The following UXS1 variants were observed in gnomAD, a reference collection of about 807,000 sequenced individuals.
UXS1 encodes the protein UDP-glucuronic acid decarboxylase 1.
Under a neutral mutation model 62.6 loss-of-function variants are expected in UXS1, and 33 were observed. The observed-to-expected ratio is 0.53, with a 90% confidence interval of 0.40 to 0.70. The LOEUF is 0.70. Among genes scored for constraint, UXS1 ranks in the 30% least tolerant of loss-of-function variants. UXS1 has a pLI of 0.00. For missense variants in UXS1, 434 were observed against 556.3 expected, an observed-to-expected ratio of 0.78 and a Z score of 2.21; for synonymous variants, 213 against 206.8, an observed-to-expected ratio of 1.03 and a Z score of -0.26.
At chr2:106,118,496 G>A (rs540953391) in intron 9 of UXS1, among the ~76,000 whole-genome samples, 29 of 152,232 alleles carry the variant, frequency 1.9e-4, no homozygotes, top group Non-Finnish European at 3.4e-4. Flanking sequence ...CGCAGCCTAC[G>A]GGAGAGGCCC....
intron 1 of UXS1, among the ~76,000 whole-genome samples, chr2:106,174,769 C>A (rs1477073642): frequency 6.6e-6 from 1 of 152,126 alleles, no homozygotes; most frequent in Non-Finnish European, 1.5e-5. Context: ...GTTCTAATCA[C>A]AGCGTCATGG....
At chr2:106,153,777 T>G (rs569843658) in intron 5 of UXS1, among the ~76,000 whole-genome samples, 1 of 152,338 alleles carries the variant, frequency 6.6e-6, no homozygotes, top group Non-Finnish European at 1.5e-5. Context: ...CTGTAAATAT[T>G]AGGTTGGTGC....
chr2:106,142,161 C>T (rs7601480), intron 6 of UXS1, among the ~76,000 whole-genome samples: 69,909 of 151,932 alleles, frequency 0.46, 16,154 homozygotes, highest in East Asian at 0.56. Flanking sequence ...TGTGAGCCAC[C>T]ATGCCCAGCC....
intron 5 of UXS1, among the ~76,000 whole-genome samples, chr2:106,154,640 T>G (rs1011868789): frequency 1.3e-5 from 2 of 152,214 alleles, no homozygotes; most frequent in Non-Finnish European, 2.9e-5. Flanking sequence ...GATTTCAGAC[T>G]TCTAGCTTCT....
chr2:106,117,513 A>G (rs939117898), intron 9 of UXS1, among the ~76,000 whole-genome samples: 3 of 148,082 alleles, frequency 2.0e-5, no homozygotes, highest in Admixed American at 1.4e-4. Flanking sequence ...TTACTGTGCT[A>G]TATCAAGCCA....
chr2:106,124,364 A>G (rs1344845688), intron 8 of UXS1, among the ~76,000 whole-genome samples: 2 of 152,372 alleles, frequency 1.3e-5, no homozygotes, highest in African/African-American at 2.4e-5. Context: ...AAGCTTCTAA[A>G]TAAGTCCCCT....
chr2:106,147,140 C>CATGA (rs1681644839), intron 5 of UXS1, among the ~76,000 whole-genome samples: 2 of 152,030 alleles, frequency 1.3e-5, no homozygotes, highest in Non-Finnish European at 2.9e-5. Context: ...GACTCTGTCT[C>CATGA]ATAAATAAAT....
chr2:106,122,603 G>A (rs779515469), intron 9 of UXS1, among the ~76,000 whole-genome samples: 29 of 152,196 alleles, frequency 1.9e-4, no homozygotes, highest in Non-Finnish European at 3.8e-4. Flanking sequence ...CAGCAATAAC[G>A]CATCCATTTT....
At chr2:106,095,662 C>T (rs759228227) in intron 14 of UXS1, among the ~76,000 whole-genome samples, 2 of 152,346 alleles carry the variant, frequency 1.3e-5, no homozygotes, top group African/African-American at 4.8e-5. Context: ...CAGGGCTACA[C>T]TACACGCCTC....
rs776284763 is a variant in UXS1, at chr2:106,096,847, TAGG to T, written c.1043-29_1043-27del. The T allele has an allele frequency of 1.4e-5, 21 of 1,553,808 alleles. No homozygotes were observed. In the African/African-American group the frequency reaches 2.9e-4, roughly 21 times the overall value. On this transcript the variant is annotated intron_variant, in intron 13 of 14. Transcript: ENST00000283148. Reference sequence around the variant, plus strand: ...CTGAGATGTTTAAAGAAAAAAAAGGTAGGAGAGAATCACAAAGCATGGGTAAGC... The same window carrying T: ...CTGAGATGTTTAAAGAAAAAAAAGGTAGAGAATCACAAAGCATGGGTAAGC...
chr2:106,099,280 C>CATGAAGA (rs1328423894), intron 12 of UXS1, among the ~76,000 whole-genome samples: 1 of 152,178 alleles, frequency 6.6e-6, no homozygotes, highest in Non-Finnish European at 1.5e-5. Context: ...CCATGCATTT[C>CATGAAGA]ATGAAGAGAG....
At chr2:106,123,563 G>C (rs1017783984) in intron 8 of UXS1, among the ~76,000 whole-genome samples, 4 of 152,202 alleles carry the variant, frequency 2.6e-5, no homozygotes, top group African/African-American at 9.7e-5. Flanking sequence ...CCCGTGACAA[G>C]TCAACGTGGA....
chr2:106,157,399 G>A (rs1682524616), intron 5 of UXS1, among the ~76,000 whole-genome samples: 1 of 152,176 alleles, frequency 6.6e-6, no homozygotes, highest in Admixed American at 6.5e-5. Flanking sequence ...GGATACCCCT[G>A]GGTATTCTTC....
chr2:106,183,099 G>C (rs1490442978), intron 1 of UXS1, among the ~76,000 whole-genome samples: 2 of 152,068 alleles, frequency 1.3e-5, no homozygotes, highest in Non-Finnish European at 2.9e-5. Flanking sequence ...CACAGCTAAT[G>C]GCCATTTCCA....
chr2:106,145,942 T>G (rs1681526566), intron 5 of UXS1, among the ~76,000 whole-genome samples: 1 of 152,244 alleles, frequency 6.6e-6, no homozygotes, highest in Non-Finnish European at 1.5e-5. Context: ...AAGTCCACTG[T>G]GTGGTTAATT....
chr2:106,122,948 A>C (rs963602643), intron 9 of UXS1, 22 bp downstream of exon 9: 1 of 1,612,844 alleles, frequency 6.2e-7, no homozygotes, highest in Admixed American at 1.7e-5. Context: ...CTAAACCGCA[A>C]GCCTAGACCC....
chr2:106,130,893 G>C (rs181674569), intron 6 of UXS1, among the ~76,000 whole-genome samples: 79 of 152,276 alleles, frequency 5.2e-4, no homozygotes, highest in African/African-American at 1.5e-3. Context: ...CCAAGTCTGG[G>C]GGGGAGGAGC....
At chr2:106,172,953 CAA>C (rs1019925082) in intron 1 of UXS1, among the ~76,000 whole-genome samples, 58 of 152,264 alleles carry the variant, frequency 3.8e-4, no homozygotes, top group African/African-American at 1.4e-3. Flanking sequence ...GGTCTCAGCT[CAA>C]AAGTTACCTT....
At chr2:106,118,329 T>G (rs1424109286) in intron 9 of UXS1, among the ~76,000 whole-genome samples, 2 of 152,152 alleles carry the variant, frequency 1.3e-5, no homozygotes, top group Non-Finnish European at 2.9e-5. Flanking sequence ...TCAGGGCCAT[T>G]AGACTAGGTG....
Sources: allele counts gnomAD v4.1 joint callset (sites outside exome capture counted in the v4.1 genomes callset), GRCh38; gene constraint gnomAD v4.1.1; transcripts MANE v1.5; gene names NCBI Gene and HGNC (gene_info 2026-07-23, HGNC 2026-07-21).